The following PIK3CB variants were observed in gnomAD, a reference collection of about 807,000 sequenced individuals.
PIK3CB encodes the protein phosphatidylinositol-4,5-bisphosphate 3-kinase catalytic subunit beta.
PIK3CB carries 39 observed loss-of-function variants against 136.8 expected under a neutral mutation model. That is an observed-to-expected ratio of 0.29 (90% CI 0.22 to 0.37). The LOEUF (loss-of-function observed/expected upper bound fraction) is 0.37. Ranked by LOEUF, PIK3CB falls within the 10% of genes least tolerant of loss-of-function variation. PIK3CB has a pLI of 1.00. For missense variants in PIK3CB, 868 were observed against 1,275.4 expected (o/e 0.68, Z 4.87); for synonymous variants, 428 against 436.6 (o/e 0.98, Z 0.25).
chr3:138,775,888 C>G (rs950587772), intron 2 of PIK3CB, among the ~76,000 whole-genome samples: 1 of 152,076 alleles, frequency 6.6e-6, no homozygotes. Context: ...TCAAATATAG[C>G]ATTCTTTTAA....
At chr3:138,759,022 T>C (rs28763911) in intron 3 of PIK3CB, 151 bp downstream of exon 3, 11,393 of 455,008 alleles carry the variant, frequency 0.025, 236 homozygotes, top group South Asian at 0.062. Context: ...CATTTCAAAC[T>C]AGCTAACATA....
chr3:138,806,550 G>A (rs2046236872), intron 1 of PIK3CB, among the ~76,000 whole-genome samples: 1 of 152,120 alleles, frequency 6.6e-6, no homozygotes, highest in South Asian at 2.1e-4. Context: ...AGCAGAACAG[G>A]GATTTCCAAG....
intron 19 of PIK3CB, among the ~76,000 whole-genome samples, chr3:138,674,208 C>T (rs1415692543): frequency 2.0e-5 from 3 of 151,806 alleles, no homozygotes; most frequent in African/African-American, 7.3e-5. Context: ...ATTCCCAGGT[C>T]TGTGTACATG....
At chr3:138,722,753 T>C (rs2044755188) in intron 8 of PIK3CB, among the ~76,000 whole-genome samples, 2 of 149,768 alleles carry the variant, frequency 1.3e-5, no homozygotes, top group South Asian at 4.2e-4. Context: ...TCCCGTACCA[T>C]CTGTGTGAAC....
chr3:138,756,037 A>T (rs2045560339), intron 3 of PIK3CB, 58 bp from the exon 4 acceptor site: 2 of 901,438 alleles, frequency 2.2e-6, no homozygotes, highest in Admixed American at 3.8e-5. Context: ...GTGTACAAAG[A>T]TATAAGGATG....
intron 1 of PIK3CB, among the ~76,000 whole-genome samples, chr3:138,821,046 G>A (rs1933536214): frequency 6.6e-6 from 1 of 152,110 alleles, no homozygotes; most frequent in Non-Finnish European, 1.5e-5. Context: ...CAGCACTTTG[G>A]GAGGCTGAGG....
chr3:138,747,693 G>A lies in PIK3CB; in HGVS notation c.398-4912C>T, dbSNP rs76405231. Among the ~76,000 whole-genome samples, 91 of 152,268 alleles carry A rather than the reference G, an allele frequency of 6.0e-4. 1 individual carries two copies. In the East Asian group the frequency reaches 0.017, roughly 28 times the overall value. ...GTAGTAAATGATACATACATATCAT[G>A]CATTAATGACACTTAACTTTTTAAT... On this transcript the variant is annotated intron_variant, in intron 4 of 23. Coordinates refer to ENST00000674063, the MANE Select transcript of PIK3CB (RefSeq NM_006219.3).
intron 1 of PIK3CB, among the ~76,000 whole-genome samples, chr3:138,806,008 A>G (rs1027163535): frequency 2.6e-5 from 4 of 151,454 alleles, no homozygotes; most frequent in Non-Finnish European, 4.4e-5. Context: ...GATTACAGGC[A>G]TGAGCCACCG....
chr3:138,687,801 G>T (rs966961236), intron 16 of PIK3CB, among the ~76,000 whole-genome samples: 1 of 152,162 alleles, frequency 6.6e-6, no homozygotes, highest in Non-Finnish European at 1.5e-5. Flanking sequence ...TGTATAGAAT[G>T]TTGGGGGAGA....
chr3:138,711,680 TTAAAAGTTA>T (rs2044503856), intron 10 of PIK3CB, among the ~76,000 whole-genome samples: 1 of 151,454 alleles, frequency 6.6e-6, no homozygotes, highest in Non-Finnish European at 1.5e-5. Context: ...ATCACAAAAC[TTAAAAGTTA>T]TGTCCCATAG....
chr3:138,726,274 A>G (rs2044834645), intron 8 of PIK3CB, among the ~76,000 whole-genome samples: 1 of 152,026 alleles, frequency 6.6e-6, no homozygotes, highest in Admixed American at 6.6e-5. Flanking sequence ...AGCTTATCTC[A>G]CTCTGCAATG....
At position 138,681,950 on chromosome 3, in the gene PIK3CB, A is replaced by C; in HGVS notation, c.2504+17T>G. On this transcript the variant is annotated intron_variant, in intron 19 of 23. Transcript: ENST00000674063. ...GGAAGACATTAGACTGAAAAAAAAA[A>C]AAAGACTAGATCTCACCGAAGATCC... is the stretch of plus-strand genomic sequence containing the variant. The C allele has an allele frequency of 6.4e-7, 1 of 1,554,348 alleles. No homozygotes were observed. Among genetic ancestry groups the C allele is most frequent in the Non-Finnish European group, 8.7e-7 (1 of 1,146,066 alleles).
At chr3:138,782,740 A>G (rs542005207) in intron 2 of PIK3CB, among the ~76,000 whole-genome samples, 12 of 152,302 alleles carry the variant, frequency 7.9e-5, no homozygotes, top group Non-Finnish European at 1.3e-4. Flanking sequence ...GTCATAGTGG[A>G]ATAGAGGATG....
chr3:138,702,104 ATTTT>A (rs10706809), intron 12 of PIK3CB, among the ~76,000 whole-genome samples: 1 of 144,002 alleles, frequency 6.9e-6, no homozygotes. Flanking sequence ...TTGGTTTACA[ATTTT>A]TTTTTTTTTT....
intron 2 of PIK3CB, among the ~76,000 whole-genome samples, chr3:138,784,529 G>C (rs925313628): frequency 6.6e-6 from 1 of 151,996 alleles, no homozygotes; most frequent in African/African-American, 2.4e-5. Flanking sequence ...CAACCTCCCT[G>C]CCTGATTCTC....
chr3:138,746,692 A>G (rs1292044478), intron 4 of PIK3CB, among the ~76,000 whole-genome samples: 1 of 151,776 alleles, frequency 6.6e-6, no homozygotes, highest in Non-Finnish European at 1.5e-5. Flanking sequence ...TTAAAAATAA[A>G]AATAAATAAA....
chr3:138,745,592 C>T (rs979788472), intron 4 of PIK3CB, among the ~76,000 whole-genome samples: 5 of 152,006 alleles, frequency 3.3e-5, no homozygotes, highest in African/African-American at 9.7e-5. Context: ...AAGATCGCAC[C>T]CCTGCACTGC....
chr3:138,666,100 T>C (rs1438688441), intron 19 of PIK3CB, among the ~76,000 whole-genome samples: 2 of 152,226 alleles, frequency 1.3e-5, no homozygotes, highest in African/African-American at 2.4e-5. Flanking sequence ...TTTTGCTCAA[T>C]TAATAGGTGG....
intron 5 of PIK3CB, among the ~76,000 whole-genome samples, chr3:138,738,696 T>C (rs940637521): frequency 1.3e-5 from 2 of 152,188 alleles, no homozygotes; most frequent in Non-Finnish European, 2.9e-5. Flanking sequence ...GACTGAATGA[T>C]ACAGTTAACA....
Sources: gnomAD v4.1 joint callset for allele counts (sites outside exome capture counted in the v4.1 genomes callset) on GRCh38, gnomAD v4.1.1 for gene constraint, MANE v1.5 for transcripts, NCBI Gene and HGNC (gene_info 2026-07-23, HGNC 2026-07-21) for gene names.